MDN1: variants seen among roughly 807,000 people sequenced by gnomAD.
MDN1 encodes the protein midasin.
A neutral mutation model predicts 669.2 loss-of-function variants in MDN1; 266 were observed. The observed-to-expected ratio is 0.40, with a 90% CI of 0.36 to 0.44. MDN1 has a LOEUF of 0.44. MDN1 is among the 20% of genes least tolerant of loss of function. The pLI is 1.00. For synonymous variants in MDN1, 2,385 were observed against 2,457.1 expected, an observed-to-expected ratio of 0.97 and a Z score of 0.87; for missense variants, 5,940 against 6,754.0, an observed-to-expected ratio of 0.88 and a Z score of 4.22.
intron 45 of MDN1, among the ~76,000 whole-genome samples, chr6:89,715,102 T>C (rs992732328): frequency 3.9e-5 from 6 of 152,078 alleles, no homozygotes; most frequent in South Asian, 4.2e-4. Context: ...GATTCATATA[T>C]TGAATGCCCA....
intron 59 of MDN1, 52 bp downstream of exon 59, chr6:89,698,813 A>C: frequency 6.4e-7 from 1 of 1,573,380 alleles, no homozygotes; most frequent in Admixed American, 1.7e-5. Context: ...AGATCCATTC[A>C]GAAACTCTTT....
rs972302626 is a variant in MDN1 at position 89,779,133 on chromosome 6, G to A, written c.1725+1079C>T. ...TATTTGGTCTGCATGGAATAAGGGG[G>A]GAAAAGAGCTGGACAAAAACAATTT... On this transcript the variant is annotated intron_variant, in intron 11 of 101. Transcript: ENST00000369393. Among the ~76,000 whole-genome samples, 5 of 151,984 alleles carry A rather than the reference G, an allele frequency of 3.3e-5. No homozygotes were observed. In the East Asian group the frequency reaches 7.7e-4, roughly 24 times the overall value.
Position 89,689,945 on chromosome 6 carries a change from T to C in MDN1, c.10948A>G (p.Lys3650Glu), listed in dbSNP as rs187908271. The C allele has an allele frequency of 7.3e-5, 118 of 1,614,186 alleles. No individual in the cohort carries two copies. In the East Asian group the frequency reaches 9.1e-4, roughly 12 times the overall value. The part of the protein sequence containing the change: ...YQQTLPPHEA[K>E]HYLSLFLSCY... Reference sequence around the variant, plus strand: ...GACAGAAACAGGCTGAGGTAATGCTTTGCTTCATGTGGCGGCAGAGTCTGT... The same window carrying C: ...GACAGAAACAGGCTGAGGTAATGCTCTGCTTCATGTGGCGGCAGAGTCTGT... The change falls in exon 65 of 102, where the codon AAG (lysine) becomes GAG (glutamate). Residue 3650 changes from lysine (K) to glutamate (E), a missense_variant. By Grantham distance (56) the Lys-to-Glu change is moderately conservative. Transcript: ENST00000369393.
chr6:89,778,260 T>G (rs1456271554), intron 11 of MDN1, among the ~76,000 whole-genome samples: 2 of 151,270 alleles, frequency 1.3e-5, no homozygotes, highest in Non-Finnish European at 2.9e-5. Context: ...TTCGTCTCAG[T>G]GGTAGAGTTA....
intron 32 of MDN1, among the ~76,000 whole-genome samples, chr6:89,738,853 C>CTGA (rs1328006675): frequency 6.6e-6 from 1 of 152,122 alleles, no homozygotes; most frequent in Non-Finnish European, 1.5e-5. Flanking sequence ...GAAGGGCAGT[C>CTGA]TGATGTAGGA....
rs1247889949 is a variant in MDN1 at position 89,670,857 on chromosome 6, T to C, written c.13956+62A>G. 7 of 1,540,882 alleles carry C rather than the reference T, an allele frequency of 4.5e-6. No homozygotes were observed. The East Asian group carries it at 1.6e-4, about 35-fold the overall frequency. On this transcript the variant is annotated intron_variant, in intron 83 of 101. Transcript: ENST00000369393. The stretch of plus-strand genomic sequence containing the variant: ...AATAAAAGCCTATCACACCAAAGAC[T>C]AATGACATGAAATTTACTTGGGTCC...
chr6:89,690,297 G>T (rs1462148661), intron 64 of MDN1, among the ~76,000 whole-genome samples, 154 bp from the exon 65 acceptor site: 1 of 152,200 alleles, frequency 6.6e-6, no homozygotes, highest in Non-Finnish European at 1.5e-5. Flanking sequence ...TACAGGCTGG[G>T]CACAGTGGCT....
chr6:89,669,391 A>G (rs773459343), intron 83 of MDN1, among the ~76,000 whole-genome samples: 8 of 151,996 alleles, frequency 5.3e-5, no homozygotes, highest in Non-Finnish European at 1.0e-4. Flanking sequence ...ATTACTTTTT[A>G]TTATTATTAT....
At chr6:89,785,631 C>T (rs1411510150) in intron 8 of MDN1, among the ~76,000 whole-genome samples, 2 of 152,210 alleles carry the variant, frequency 1.3e-5, no homozygotes, top group Admixed American at 6.5e-5. Flanking sequence ...GTCCTCACAA[C>T]TGTCCCGAGA....
At chr6:89,745,149 A>G (rs1025716640) in intron 29 of MDN1, 124 bp downstream of exon 29, 23 of 1,034,084 alleles carry the variant, frequency 2.2e-5, no homozygotes, top group South Asian at 1.0e-4. Context: ...AAAAAAAAAA[A>G]AAAGAAAAAA....
At chr6:89,710,657 G>C (rs1813833682) in intron 50 of MDN1, 24 bp downstream of exon 50, 1 of 1,367,608 alleles carries the variant, frequency 7.3e-7, no homozygotes, top group East Asian at 2.6e-5. Flanking sequence ...ACAGTGCTGA[G>C]AGCTAGAAAT....
chr6:89,670,852 A>C (rs1482436632), intron 83 of MDN1, 67 bp downstream of exon 83: 9 of 1,525,094 alleles, frequency 5.9e-6, no homozygotes, highest in Admixed American at 3.8e-5. Flanking sequence ...TATCACACCA[A>C]AGACTAATGA....
chr6:89,815,432 TC>T, intron 1 of MDN1: 1 of 355,274 alleles, frequency 2.8e-6, no homozygotes, highest in Non-Finnish European at 5.5e-6. Flanking sequence ...CACCAAGGCT[TC>T]GTACCCCAGA....
At chr6:89,744,148 GAA>G (rs1343550951) in intron 29 of MDN1, among the ~76,000 whole-genome samples, 4 of 146,736 alleles carry the variant, frequency 2.7e-5, no homozygotes, top group Non-Finnish European at 6.0e-5. Flanking sequence ...CCAAGAGAGG[GAA>G]AAGAAATCTA....
intron 8 of MDN1, among the ~76,000 whole-genome samples, chr6:89,785,351 A>G (rs1272885924): frequency 2.0e-5 from 3 of 152,248 alleles, no homozygotes; most frequent in Non-Finnish European, 4.4e-5. Flanking sequence ...ATAGTGCTTT[A>G]ACCAAATATT....
chr6:89,642,853 T>C lies in MDN1; in HGVS notation c.*1152A>G, dbSNP rs1293275074. The stretch of plus-strand genomic sequence containing the variant: ...TAGCTTTTTAGAATAAAAAATGATA[T>C]AACTTCAGGTACATGCTTTGGGACA... On this transcript the variant is annotated 3_prime_UTR_variant, in exon 102 of 102. Coordinates refer to ENST00000369393, the MANE Select transcript of MDN1 (RefSeq NM_014611.3). The C allele has an allele frequency of 6.6e-6, 1 of 152,246 alleles. No individual in the cohort carries two copies. Among genetic ancestry groups the C allele is most frequent in the Non-Finnish European group, 1.5e-5 (1 of 68,044 alleles). The allele number at this position is 152,246 out of a possible 1,614,324, so 9.4% of individuals were successfully genotyped here.
chr6:89,730,848 G>A lies in MDN1; in HGVS notation c.5018C>T (p.Ala1673Val). 1 of 1,613,854 alleles carries A rather than the reference G, an allele frequency of 6.2e-7. No individual in the cohort carries two copies. Among genetic ancestry groups the A allele is most frequent in the Non-Finnish European group, 8.5e-7 (1 of 1,179,946 alleles). ...ECLKFLIKRL[A>V]KIVRLTEYQK... ...ATATTCTGTAAGTCGTACTATCTTG[G>A]CAAGCCTCTTGATTAGAAATTTCAG... The change falls in exon 35 of 102, where the codon GCC becomes GTC. Residue 1673 changes from alanine to valine, a missense_variant. Physicochemically the swap from Ala to Val is moderately conservative, Grantham distance 64. Around this residue, in one of 5 missense-constraint regions of MDN1, gnomAD observed 2,292 missense variants for 2,638.3 expected, o/e 0.87. Transcript: ENST00000369393.
chr6:89,767,769 G>A (rs1051218957), intron 15 of MDN1, among the ~76,000 whole-genome samples: 16 of 151,894 alleles, frequency 1.1e-4, no homozygotes, highest in African/African-American at 3.6e-4. Flanking sequence ...ACCTAGGCTG[G>A]GGATGGTGGC....
intron 73 of MDN1, among the ~76,000 whole-genome samples, chr6:89,682,088 C>A (rs1432409558): frequency 6.6e-6 from 1 of 152,168 alleles, no homozygotes; most frequent in African/African-American, 2.4e-5. Flanking sequence ...ATTTTGCAAG[C>A]CAAATCTTAA....
Sources: gnomAD v4.1 joint callset for allele counts (sites outside exome capture counted in the v4.1 genomes callset) on GRCh38, gnomAD v4.1.1 for gene constraint, gnomAD v4.1.1 regional missense constraint, MANE v1.5 for transcripts, NCBI Gene and HGNC (gene_info 2026-07-23, HGNC 2026-07-21) for gene names.